The following LRP2 variants were observed in gnomAD, a reference collection of about 807,000 sequenced individuals.
The protein encoded by LRP2 is low-density lipoprotein receptor-related protein 2.
Under a neutral mutation model 531.0 loss-of-function variants are expected in LRP2, and 172 were observed. The observed-to-expected ratio is 0.32, with a 90% CI of 0.29 to 0.37. The LOEUF (loss-of-function observed/expected upper bound fraction) is 0.37, where lower values mean the gene tolerates loss of function less well. Among genes scored for constraint, LRP2 ranks in the 10% least tolerant of loss-of-function variants. LRP2 has a pLI of 1.00. For synonymous variants in LRP2, 1,992 were observed against 2,027.6 expected, an observed-to-expected ratio of 0.98 and a Z score of 0.47; for missense variants, 5,167 against 5,868.3, an observed-to-expected ratio of 0.88 and a Z score of 3.90.
chr2:169,204,735 A>C (rs1005931550), intron 41 of LRP2, among the ~76,000 whole-genome samples: 2 of 152,118 alleles, frequency 1.3e-5, no homozygotes, highest in African/African-American at 4.8e-5. Context: ...AGAATAAAGA[A>C]AAGATCAGGA....
chr2:169,169,208 A>G (rs1318968654), intron 60 of LRP2, among the ~76,000 whole-genome samples: 1 of 152,334 alleles, frequency 6.6e-6, no homozygotes, highest in South Asian at 2.1e-4. Flanking sequence ...GATCTCTCTC[A>G]GTCTTCTCAG....
chr2:169,306,917 G>A (rs1360806832), intron 4 of LRP2, among the ~76,000 whole-genome samples: 1 of 152,146 alleles, frequency 6.6e-6, no homozygotes, highest in Non-Finnish European at 1.5e-5. Flanking sequence ...GAAAACTAGT[G>A]AGAAATTTGA....
At chr2:169,202,693 T>C (rs1354261396) in intron 43 of LRP2, 63 bp downstream of exon 43, 1 of 1,529,492 alleles carries the variant, frequency 6.5e-7, no homozygotes, top group Admixed American at 1.7e-5. Context: ...CAGGATTCCA[T>C]ACCAAACACT....
rs1211253964 is a variant in LRP2, at chr2:169,241,106, G to A, written c.3927C>T (p.Pro1309=). ...MSDEKDCPTQ[P]FRCPSWQWQC... ...GCCATTGCCAACTAGGACAGCGAAA[G>A]GGCTGAGTAGGGCAGTCCTTCTCAT... Residue 1309 remains proline (P), a synonymous_variant, in exon 25 of 79, where the codon CCC becomes CCT. Transcript: ENST00000649046. The A allele has an allele frequency of 6.2e-7, 1 of 1,613,908 alleles. No individual in the cohort carries two copies. Among genetic ancestry groups the A allele is most frequent in the Admixed American group, 1.7e-5 (1 of 60,028 alleles).
intron 13 of LRP2, among the ~76,000 whole-genome samples, chr2:169,276,864 T>C (rs1053574832): frequency 7.9e-5 from 12 of 152,164 alleles, no homozygotes; most frequent in African/African-American, 2.2e-4. Flanking sequence ...CATTAAGTTG[T>C]AGTTAGCTCT....
chr2:169,235,048 C>G (rs1375293563), intron 29 of LRP2, among the ~76,000 whole-genome samples: 1 of 151,026 alleles, frequency 6.6e-6, no homozygotes, highest in East Asian at 2.0e-4. Context: ...GTAGTTGGGA[C>G]TATAGGCAAA....
chr2:169,307,511 G>C, intron 3 of LRP2, 114 bp from the exon 4 acceptor site: 2 of 720,014 alleles, frequency 2.8e-6, no homozygotes, highest in Non-Finnish European at 4.9e-6. Context: ...ACAAGGTAAA[G>C]TACCTGGCTA....
Position 169,273,896 on chromosome 2 carries a change from T to C in LRP2, c.1976-829A>G, listed in dbSNP as rs562836434. Among the ~76,000 whole-genome samples the C allele has an allele frequency of 2.2e-4, 34 of 152,196 alleles. No individual in the cohort carries two copies. In the South Asian group the frequency reaches 5.4e-3, roughly 24 times the overall value. On this transcript the variant is annotated intron_variant, in intron 14 of 78. Transcript: ENST00000649046. ...GATCTAATGTGAGGGCAGGTGTGAG[T>C]TTAGTTGTGAATTGAGTGTAAAAAC...
In LRP2 at chr2:169,170,590, A is replaced by C. The variant is rs779181212; in HGVS notation, c.11341T>G (p.Tyr3781Asp). ...CIPSRWICDH[Y>D]NDCGDNSDER... ...TCTGAGTTGTCCCCACAGTCGTTGTAATGGTCACAGATCCATCGCGAGGGA... is the reference window on the plus strand; with the variant it reads ...TCTGAGTTGTCCCCACAGTCGTTGTCATGGTCACAGATCCATCGCGAGGGA... The change falls in exon 59 of 79, where the codon TAC (tyrosine) becomes GAC (aspartate). Residue 3781 changes from tyrosine to aspartate, a missense_variant. By Grantham distance (160) the Tyr-to-Asp change is radical (BLOSUM62 -3). Coordinates refer to ENST00000649046, the MANE Select transcript of LRP2 (RefSeq NM_004525.3). 4 of 1,614,066 alleles carry C rather than the reference A, an allele frequency of 2.5e-6. No individual in the cohort carries two copies. The East Asian group carries it at 8.9e-5, about 36-fold the overall frequency.
At position 169,321,922 on chromosome 2, in the gene LRP2, T is replaced by C. The variant is rs532311621; in HGVS notation, c.80-1038A>G. ...TCCTAGGTCTCCCCAAGGGACAAAG[T>C]TCCCCAAATACCTGGCCAGTGACCT... On this transcript the variant is annotated intron_variant, in intron 1 of 78. Coordinates refer to ENST00000649046, the MANE Select transcript of LRP2 (RefSeq NM_004525.3). Among the ~76,000 whole-genome samples the C allele has an allele frequency of 2.0e-5, 3 of 152,290 alleles. No individual in the cohort carries two copies. The East Asian group carries it at 5.8e-4, about 29-fold the overall frequency.
chr2:169,290,866 T>C lies in LRP2; in HGVS notation c.901A>G (p.Thr301Ala), dbSNP rs887094134. 1.2e-5 allele frequency: 20 copies of C among 1,613,996 alleles called. No homozygotes were observed. The highest frequency in any genetic ancestry group is 6.7e-5 in the African/African-American group (5 of 74,918). The change falls in exon 8 of 79, where the codon ACT becomes GCT. Residue 301 changes from threonine (T) to alanine (A), a missense_variant. Around this residue, in one of 6 missense-constraint regions of LRP2, gnomAD observed 2,811 missense variants for 3,058.0 expected, o/e 0.92. Transcript: ENST00000649046. ...DCPGREDENN[T>A]STGKYCSMTL... ...TCACTACAGTATTTTCCGGTACTAG[T>C]GTTGTTTTCATCTTCTCTTCCTGGG...
chr2:169,295,961 C>T (rs1684125311), intron 4 of LRP2, among the ~76,000 whole-genome samples: 1 of 152,024 alleles, frequency 6.6e-6, no homozygotes, highest in Non-Finnish European at 1.5e-5. Flanking sequence ...GACTTTGAGT[C>T]TCAATTTTGC....
At chr2:169,137,327 A>T (rs1309706366) in intron 76 of LRP2, 65 bp downstream of exon 76, 3 of 1,159,778 alleles carry the variant, frequency 2.6e-6, no homozygotes, top group African/African-American at 1.5e-5. Flanking sequence ...ATCCTAAGAC[A>T]TGACTCAATA....
rs1688244309 is a variant in LRP2, at chr2:169,202,761, A to G, written c.8204T>C (p.Val2735Ala). The change falls in exon 43 of 79, where the codon GTC (valine) becomes GCC (alanine). Residue 2735 changes from valine (V) to alanine (A), a missense_variant. Coordinates refer to ENST00000649046, the MANE Select transcript of LRP2 (RefSeq NM_004525.3). ...GCGCCAAGAGTCCAACTCACCACAG[A>G]CACTTTCCATCTCATCACTGCCATC... ...CGDGSDEMES[V>A]CALHTCSPTA... 6.2e-7 allele frequency: 1 copy of G among 1,613,984 alleles called. No homozygotes were observed. Among genetic ancestry groups the G allele is most frequent in the African/African-American group, 1.3e-5 (1 of 74,902 alleles).
rs1216987363 is a variant in LRP2, at chr2:169,284,256, C to CTTTTTTTTTTTTTTTTTTTTTTT, written c.1043-1278_1043-1256dup. The stretch of plus-strand genomic sequence containing the variant: ...CTTTTCTTTTCTTTTTCTTTTTTTT[C>CTTTTTTTTTTTTTTTTTTTTTTT]TTTTTTTTTTTTTTTTTTTTTTTTT... On this transcript the variant is annotated intron_variant, in intron 9 of 78. Transcript: ENST00000649046. Among the ~76,000 whole-genome samples the CTTTTTTTTTTTTTTTTTTTTTTT allele has an allele frequency of 2.5e-4, 24 of 96,662 alleles. 1 individual carries two copies. Among genetic ancestry groups the CTTTTTTTTTTTTTTTTTTTTTTT allele is most frequent in the African/African-American group, 4.8e-4 (11 of 22,692 alleles). 63.4% of individuals were successfully genotyped at this position (96,662 alleles called of 152,430 possible).
At chr2:169,321,804 C>T (rs956592812) in intron 1 of LRP2, among the ~76,000 whole-genome samples, 9 of 152,126 alleles carry the variant, frequency 5.9e-5, no homozygotes, top group African/African-American at 2.2e-4. Flanking sequence ...CAAAAGTTGA[C>T]ACCCCAAGTG....
Position 169,176,574 on chromosome 2 carries a change from C to T in LRP2, c.10408G>A (p.Gly3470Ser), listed in dbSNP as rs2105286644. The change falls in exon 54 of 79, where the codon GGT (glycine) becomes AGT (serine). Residue 3470 changes from glycine (G) to serine (S), a missense_variant. Physicochemically the swap from Gly to Ser is moderately conservative, Grantham distance 56. Coordinates refer to ENST00000649046, the MANE Select transcript of LRP2 (RefSeq NM_004525.3). ...TGAGAACAGCCACCATTGTTGGTAC[C>T]ACAGGGATTGCTCACTAGTGGAAAA... ...YRQPIVSNPCGTNNGGCSHLC... is the reference protein window; with the variant it reads ...YRQPIVSNPCSTNNGGCSHLC... The T allele has an allele frequency of 6.2e-7, 1 of 1,614,130 alleles. No homozygotes were observed. The highest frequency in any genetic ancestry group is 8.5e-7 in the Non-Finnish European group (1 of 1,180,026).
chr2:169,128,893 T>C (rs1685187508), intron 78 of LRP2, 63 bp from the exon 79 acceptor site: 5 of 1,598,380 alleles, frequency 3.1e-6, no homozygotes, highest in Non-Finnish European at 4.3e-6. Context: ...ACACGGTTTT[T>C]CATAAAGAAG....
intron 77 of LRP2, among the ~76,000 whole-genome samples, chr2:169,129,490 T>G (rs985845289): frequency 4.6e-5 from 7 of 152,218 alleles, no homozygotes; most frequent in African/African-American, 1.7e-4. Context: ...CTGTAACTCT[T>G]ATTCCCTAAA....
Sources: allele counts gnomAD v4.1 joint callset (sites outside exome capture counted in the v4.1 genomes callset), GRCh38; gene constraint gnomAD v4.1.1; regional missense constraint gnomAD v4.1.1; transcripts MANE v1.5; gene names NCBI Gene and HGNC (gene_info 2026-07-23, HGNC 2026-07-21).